The following SLC44A1 variants were observed in gnomAD, a reference collection of about 807,000 sequenced individuals.
The protein encoded by SLC44A1 is choline transporter-like protein 1.
A neutral mutation model predicts 79.3 loss-of-function variants in SLC44A1; 26 were observed. The observed-to-expected ratio is 0.33, with a 90% confidence interval of 0.24 to 0.46. The LOEUF (loss-of-function observed/expected upper bound fraction) is 0.46, where lower values mean the gene tolerates loss of function less well. Among genes scored for constraint, SLC44A1 ranks in the 20% least tolerant of loss-of-function variants. The pLI is 1.00. For missense variants in SLC44A1, 688 were observed against 798.1 expected, an observed-to-expected ratio of 0.86 and a Z score of 1.66; for synonymous variants, 263 against 286.2, an observed-to-expected ratio of 0.92 and a Z score of 0.82.
intron 3 of SLC44A1, among the ~76,000 whole-genome samples, chr9:105,328,480 G>A (rs940933100): frequency 5.9e-5 from 9 of 152,292 alleles, no homozygotes; most frequent in African/African-American, 1.2e-4. Context: ...GCAGCCCCAC[G>A]GTGAGAGTGT....
intron 1 of SLC44A1, among the ~76,000 whole-genome samples, chr9:105,289,658 T>C (rs1380351284): frequency 6.6e-6 from 1 of 152,214 alleles, no homozygotes; most frequent in Admixed American, 6.5e-5. Flanking sequence ...TGCTGTGAAC[T>C]AAAAACATCT....
At position 105,390,650 on chromosome 9, in the gene SLC44A1, A is replaced by T; in HGVS notation, c.*1594A>T. On this transcript the variant is annotated 3_prime_UTR_variant, in exon 16 of 16. Transcript: ENST00000374720. ...TAAATTGCTGCAAAAGGTAAATTGT[A>T]TTTTTTTTTAAGTATTGGTGTTCTT... is the stretch of plus-strand genomic sequence containing the variant. The T allele has an allele frequency of 1.0e-6, 1 of 981,120 alleles. No individual in the cohort carries two copies. 60.8% of individuals were successfully genotyped at this position (981,120 alleles called of 1,614,324 possible).
chr9:105,284,176 G>A (rs544869972), intron 1 of SLC44A1, among the ~76,000 whole-genome samples: 2 of 151,230 alleles, frequency 1.3e-5, no homozygotes, highest in South Asian at 4.2e-4. Context: ...TAAGTAAATA[G>A]TAGTATGTGT....
intron 15 of SLC44A1, among the ~76,000 whole-genome samples, chr9:105,437,433 T>G (rs1406597033): frequency 6.6e-6 from 1 of 152,062 alleles, no homozygotes; most frequent in Non-Finnish European, 1.5e-5. Flanking sequence ...CTAGACAGAT[T>G]GATATAGATA....
chr9:105,267,546 G>A (rs1301554848), intron 1 of SLC44A1, among the ~76,000 whole-genome samples: 1 of 151,906 alleles, frequency 6.6e-6, no homozygotes, highest in Non-Finnish European at 1.5e-5. Flanking sequence ...TTACCTTTCA[G>A]TATTTCTATT....
rs1382602853 is a variant in SLC44A1 at position 105,391,846 on chromosome 9, T to C, written c.*2790T>C. 2.5e-5 allele frequency: 25 copies of C among 985,388 alleles called. No homozygotes were observed. The highest frequency in any genetic ancestry group is 2.9e-5 in the Non-Finnish European group (24 of 829,924). The allele number at this position is 985,388 out of a possible 1,614,324, so 61.0% of individuals were successfully genotyped here. A position where few individuals can be genotyped will look rare whatever the true frequency, so the allele number is the denominator to read the frequency against. On this transcript the variant is annotated 3_prime_UTR_variant, in exon 16 of 16. Coordinates refer to ENST00000374720, the MANE Select transcript of SLC44A1 (RefSeq NM_080546.5). ...ATTCTATGTGGTGGTTTTTGTCTTC[T>C]TCTGTGGTGAATCTTCAAAACTGTA...
intron 3 of SLC44A1, among the ~76,000 whole-genome samples, chr9:105,319,538 T>A (rs1826319641): frequency 6.6e-6 from 1 of 152,154 alleles, no homozygotes; most frequent in South Asian, 2.1e-4. Flanking sequence ...CTCCAGCTCC[T>A]CTGGTCAATT....
chr9:105,246,533 A>C (rs1452395074), intron 1 of SLC44A1, among the ~76,000 whole-genome samples: 1 of 152,170 alleles, frequency 6.6e-6, no homozygotes, highest in East Asian at 1.9e-4. Context: ...TTGGTATATC[A>C]GAGTTTTCAT....
chr9:105,279,294 AT>A (rs1228999668), intron 1 of SLC44A1, among the ~76,000 whole-genome samples: 3 of 150,300 alleles, frequency 2.0e-5, no homozygotes, highest in Non-Finnish European at 3.0e-5. Flanking sequence ...TTTTTAAGCC[AT>A]TTTAAAACTA....
intron 3 of SLC44A1, among the ~76,000 whole-genome samples, chr9:105,321,118 A>G (rs1338850771): frequency 2.0e-5 from 3 of 152,028 alleles, no homozygotes; most frequent in Non-Finnish European, 4.4e-5. Context: ...TTTTTTGTGT[A>G]CTATCTGGGA....
intron 15 of SLC44A1, among the ~76,000 whole-genome samples, chr9:105,429,695 A>G (rs1249944818): frequency 1.3e-5 from 2 of 152,208 alleles, no homozygotes; most frequent in African/African-American, 4.8e-5. Context: ...ACCTCAATGA[A>G]GTTACAGATT....
Position 105,390,588 on chromosome 9 carries a change from G to C in SLC44A1, c.*1532G>C. 1.0e-6 allele frequency: 1 copy of C among 985,784 alleles called. No individual in the cohort carries two copies. Among genetic ancestry groups the C allele is most frequent in the Non-Finnish European group, 1.2e-6 (1 of 829,924 alleles). The allele number at this position is 985,784 out of a possible 1,614,324, so 61.1% of individuals were successfully genotyped here. On this transcript the variant is annotated 3_prime_UTR_variant, in exon 16 of 16. Coordinates refer to ENST00000374720, the MANE Select transcript of SLC44A1 (RefSeq NM_080546.5). ...TGTCACTAGGGCTTAATAAGCAGCC[G>C]TTTGCTAATGTGCTTCCTTTCAAAG...
At chr9:105,364,802 G>C in intron 10 of SLC44A1, 82 bp downstream of exon 10, 3 of 1,040,290 alleles carry the variant, frequency 2.9e-6, no homozygotes, top group Non-Finnish European at 4.3e-6. Context: ...AATCAGACTG[G>C]GGCTGGCAGG....
chr9:105,420,947 TGCAA>T (rs1205930224), intron 15 of SLC44A1, among the ~76,000 whole-genome samples: 1 of 149,858 alleles, frequency 6.7e-6, no homozygotes, highest in Non-Finnish European at 1.5e-5. Context: ...AGTTAAGCAC[TGCAA>T]GAGTCCATTC....
In SLC44A1 at chr9:105,390,940, T is replaced by G; in HGVS notation, c.*1884T>G. Reference sequence around the variant, plus strand: ...GCTGTTCTCTTTTATTCATTTGAAATGAATATAATTATATAACTAACAATT... The same window carrying G: ...GCTGTTCTCTTTTATTCATTTGAAAGGAATATAATTATATAACTAACAATT... On this transcript the variant is annotated 3_prime_UTR_variant, in exon 16 of 16. Coordinates refer to ENST00000374720, the MANE Select transcript of SLC44A1 (RefSeq NM_080546.5). 1.0e-6 allele frequency: 1 copy of G among 981,530 alleles called. No individual in the cohort carries two copies. Among genetic ancestry groups the G allele is most frequent in the Non-Finnish European group, 1.2e-6 (1 of 826,056 alleles). 60.8% of individuals were successfully genotyped at this position (981,530 alleles called of 1,614,324 possible).
intron 4 of SLC44A1, among the ~76,000 whole-genome samples, chr9:105,341,160 C>T (rs1350815449): frequency 2.0e-5 from 3 of 151,886 alleles, no homozygotes; most frequent in Admixed American, 1.3e-4. Flanking sequence ...CATGGTGAAA[C>T]CTCATCTCTA....
intron 15 of SLC44A1, among the ~76,000 whole-genome samples, chr9:105,436,549 CCGTT>C (rs540294744): frequency 5.2e-4 from 79 of 152,208 alleles, no homozygotes; most frequent in African/African-American, 1.9e-3. Flanking sequence ...CCACTGCACT[CCGTT>C]CGGGGTGACA....
At chr9:105,364,471 G>T (rs1827880385) in intron 9 of SLC44A1, 84 bp from the exon 10 acceptor site, 1 of 1,127,468 alleles carries the variant, frequency 8.9e-7, no homozygotes, top group Admixed American at 2.2e-5. Flanking sequence ...CTTGGGGTAG[G>T]GACCTATTGC....
rs1014879593 is a variant in SLC44A1, at chr9:105,365,731, A to C, written c.1410+92A>C. 6 of 1,279,458 alleles carry C rather than the reference A, an allele frequency of 4.7e-6. No individual in the cohort carries two copies. The South Asian group carries it at 7.1e-5, about 15-fold the overall frequency. 79.3% of individuals were successfully genotyped at this position (1,279,458 alleles called of 1,614,324 possible). A position where few individuals can be genotyped will look rare whatever the true frequency, so the allele number is the denominator to read the frequency against. On this transcript the variant is annotated intron_variant, in intron 11 of 15. Transcript: ENST00000374720. The stretch of plus-strand genomic sequence containing the variant: ...AAGCACCCAATAATGTTAAATACAA[A>C]GTTGTGTTTTCTTCAAAGTCTTTAC...
Sources: gnomAD v4.1 joint callset for allele counts (sites outside exome capture counted in the v4.1 genomes callset) on GRCh38, gnomAD v4.1.1 for gene constraint, MANE v1.5 for transcripts, NCBI Gene and HGNC (gene_info 2026-07-23, HGNC 2026-07-21) for gene names.